The following SPTBN1 variants were observed in gnomAD, a reference collection of about 807,000 sequenced individuals.
SPTBN1 encodes the protein spectrin beta, non-erythrocytic 1, also known as spectrin beta chain, non-erythrocytic 1.
A neutral mutation model predicts 266.4 loss-of-function variants in SPTBN1; 32 were observed. That is an observed-to-expected ratio of 0.12 (90% CI 0.09 to 0.16). SPTBN1 has a LOEUF of 0.16. Among genes scored for constraint, SPTBN1 ranks in the 10% least tolerant of loss-of-function variants. SPTBN1 has a pLI of 1.00. For synonymous variants in SPTBN1, 1,336 were observed against 1,162.2 expected (o/e 1.15, Z -3.04); for missense variants, 2,296 against 3,067.1 (o/e 0.75, Z 5.94).
At chr2:54,556,306 C>T (rs1331976580) in intron 2 of SPTBN1, among the ~76,000 whole-genome samples, 11 of 152,330 alleles carry the variant, frequency 7.2e-5, no homozygotes, top group African/African-American at 2.6e-4. Context: ...CTAATACTTG[C>T]ATGTGTTCAC....
In SPTBN1 at chr2:54,558,401, G is replaced by C; in HGVS notation, c.148+31835G>C. On this transcript the variant is annotated intron_variant, in intron 2 of 35. Transcript: ENST00000356805. The surrounding 1 kb of genome is among the most constrained non-coding windows in gnomAD (Gnocchi z 4.6). ...CGCGGGCAGCTGGGAGGAGGTGTGC[G>C]CGCTGCGCCCGCGAGCTCCCGGGCT... 9.9e-7 allele frequency: 1 copy of C among 1,013,030 alleles called. No individual in the cohort carries two copies. 62.8% of individuals were successfully genotyped at this position (1,013,030 alleles called of 1,614,324 possible). A position where few individuals can be genotyped will look rare whatever the true frequency, so the allele number is the denominator to read the frequency against.
intron 1 of SPTBN1, among the ~76,000 whole-genome samples, chr2:54,487,923 A>G (rs1031432084): frequency 5.8e-5 from 8 of 138,898 alleles, no homozygotes; most frequent in Non-Finnish European, 1.1e-4. Flanking sequence ...TCCGCCTCCC[A>G]GGTTCACGCC....
chr2:54,588,354 T>A (rs996689404), intron 2 of SPTBN1, among the ~76,000 whole-genome samples: 5 of 152,096 alleles, frequency 3.3e-5, no homozygotes, highest in Non-Finnish European at 5.9e-5. Flanking sequence ...GGTTATGAGT[T>A]TTTTCTTCTT....
chr2:54,566,052 G>A (rs1673633841), intron 2 of SPTBN1, among the ~76,000 whole-genome samples: 1 of 152,094 alleles, frequency 6.6e-6, no homozygotes, highest in Non-Finnish European at 1.5e-5. Context: ...CAGACCAGGT[G>A]GGGTTTAGCC....
chr2:54,487,892 C>T (rs1035900141), intron 1 of SPTBN1, among the ~76,000 whole-genome samples: 10 of 122,182 alleles, frequency 8.2e-5, no homozygotes, highest in Admixed American at 6.3e-4. Context: ...TGCAGTGGCA[C>T]GATCTCAGCT....
chr2:54,504,674 C>T (rs972843764), intron 1 of SPTBN1, among the ~76,000 whole-genome samples: 6 of 152,076 alleles, frequency 3.9e-5, no homozygotes, highest in Non-Finnish European at 7.4e-5. Flanking sequence ...GGGACCTGAG[C>T]GTCCATGGAT....
rs1667939957 is a variant in SPTBN1 at position 54,478,290 on chromosome 2, G to C, written c.-48+21772G>C. ...TCAGATGCTTGTGTCAGGTTCCAGTGATGGTAGCCTTGGAGTAAGTCTGCC... is the reference window on the plus strand; with the variant it reads ...TCAGATGCTTGTGTCAGGTTCCAGTCATGGTAGCCTTGGAGTAAGTCTGCC... On this transcript the variant is annotated intron_variant, in intron 1 of 35. Transcript: ENST00000356805. Among the ~76,000 whole-genome samples, 4 of 152,104 alleles carry C rather than the reference G, an allele frequency of 2.6e-5. No homozygotes were observed. The South Asian group carries it at 8.3e-4, about 32-fold the overall frequency.
chr2:54,473,487 G>A (rs919829330), intron 1 of SPTBN1, among the ~76,000 whole-genome samples: 3 of 148,182 alleles, frequency 2.0e-5, no homozygotes, highest in Non-Finnish European at 4.5e-5. Context: ...CCCTTTTATT[G>A]GACATCTCCA....
At position 54,659,174 on chromosome 2, in the gene SPTBN1, C is replaced by G. The variant is rs1558479168; in HGVS notation, c.6264C>G (p.Arg2088=). The G allele has an allele frequency of 1.2e-6, 2 of 1,614,012 alleles. No homozygotes were observed. The highest frequency in any genetic ancestry group is 1.7e-6 in the Non-Finnish European group (2 of 1,179,954). The change falls in exon 31 of 36, where the codon CGC becomes CGG. Residue 2088 remains arginine, a synonymous_variant. Coordinates refer to ENST00000356805, the MANE Select transcript of SPTBN1 (RefSeq NM_003128.3). ...CTTAGTTGGAGTTACTGGAAGTGCG[C>G]AGACAGCAAGAGGAAGAGGAGAGGA... ...RLTTLELLEV[R]RQQEEEERKR... is the part of the protein sequence containing the mutation.
intron 2 of SPTBN1, among the ~76,000 whole-genome samples, chr2:54,557,194 G>A (rs1672931866): frequency 6.6e-6 from 1 of 152,218 alleles, no homozygotes; most frequent in Non-Finnish European, 1.5e-5. Flanking sequence ...TTAATTCTAA[G>A]CCTGGACAGG....
At chr2:54,579,567 G>A (rs551307248) in intron 2 of SPTBN1, among the ~76,000 whole-genome samples, 14 of 152,328 alleles carry the variant, frequency 9.2e-5, no homozygotes, top group African/African-American at 2.6e-4. Context: ...GATCCTCACT[G>A]AGCTGAAGCA....
At chr2:54,542,027 T>TAC (rs996914464) in intron 2 of SPTBN1, among the ~76,000 whole-genome samples, 1 of 152,260 alleles carries the variant, frequency 6.6e-6, no homozygotes. Context: ...CATTTCAAAG[T>TAC]ACACCTAAGT....
At chr2:54,595,452 G>A (rs1301070335) in intron 2 of SPTBN1, among the ~76,000 whole-genome samples, 2 of 152,212 alleles carry the variant, frequency 1.3e-5, no homozygotes, top group Non-Finnish European at 2.9e-5. Flanking sequence ...TTCTTGGGGA[G>A]GACTTGATAA....
intron 1 of SPTBN1, among the ~76,000 whole-genome samples, chr2:54,483,783 G>A (rs1268433591): frequency 6.6e-6 from 1 of 152,220 alleles, no homozygotes; most frequent in African/African-American, 2.4e-5. Context: ...AGTTTCTCCT[G>A]TTTTGTCATT....
chr2:54,644,751 ATAGAAAGACACTTGTCCAAAC>A lies in SPTBN1; in HGVS notation c.4269+177_4269+197del, dbSNP rs1411974978. ...AACAGCATCGTAGAACATTTCCAGA[ATAGAAAGACACTTGTCCAAAC>A]TAGAAAGACACAGTATTAGGAGTAT... On this transcript the variant is annotated intron_variant, in intron 20 of 35. Transcript: ENST00000356805. 2.0e-5 allele frequency among the ~76,000 whole-genome samples: 3 copies of A among 152,334 alleles called. No homozygotes were observed. The East Asian group carries it at 5.8e-4, about 29-fold the overall frequency.
intron 2 of SPTBN1, among the ~76,000 whole-genome samples, chr2:54,580,615 A>G (rs79680670): frequency 6.6e-6 from 1 of 151,728 alleles, no homozygotes; most frequent in South Asian, 2.1e-4. Context: ...AAAAAAAAAA[A>G]TCTCCAAAAT....
chr2:54,581,690 G>A (rs1346933748), intron 2 of SPTBN1, among the ~76,000 whole-genome samples: 1 of 140,750 alleles, frequency 7.1e-6, no homozygotes, highest in African/African-American at 2.7e-5. Context: ...TAATAAACAA[G>A]AGTAAAAGCC....
chr2:54,530,912 G>A (rs1364431738), intron 2 of SPTBN1, among the ~76,000 whole-genome samples: 3 of 152,056 alleles, frequency 2.0e-5, no homozygotes, highest in African/African-American at 7.2e-5. Flanking sequence ...CCCATCCCTA[G>A]CTAGCCTCAG....
rs760689729 is a variant in SPTBN1 at position 54,649,699 on chromosome 2, G to T, written c.5287G>T (p.Asp1763Tyr). The change falls in exon 26 of 36, where the codon GAT (aspartate) becomes TAT (tyrosine). Residue 1763 changes from aspartate (D) to tyrosine (Y), a missense_variant. Coordinates refer to ENST00000356805, the MANE Select transcript of SPTBN1 (RefSeq NM_003128.3). The surrounding 1 kb of genome is among the most constrained non-coding windows in gnomAD (Gnocchi z 6.7). ...ERVDTVNHLADELINSGHSDA... is the reference protein window; with the variant it reads ...ERVDTVNHLAYELINSGHSDA... ...CGTGGACACGGTCAATCACCTGGCA[G>T]ATGAGCTCATCAACTCTGGACATTC... The T allele has an allele frequency of 6.2e-7, 1 of 1,614,182 alleles. No individual in the cohort carries two copies. Among genetic ancestry groups the T allele is most frequent in the Non-Finnish European group, 8.5e-7 (1 of 1,180,042 alleles).
Sources: allele counts gnomAD v4.1 joint callset (sites outside exome capture counted in the v4.1 genomes callset), GRCh38; gene constraint gnomAD v4.1.1; non-coding constraint Gnocchi (gnomAD v3.1); transcripts MANE v1.5; gene names NCBI Gene and HGNC (gene_info 2026-07-23, HGNC 2026-07-21).